CYP24A1: variants seen among roughly 807,000 people sequenced by gnomAD.
CYP24A1 encodes cytochrome P450 family 24 subfamily A member 1.
Under a neutral mutation model 62.4 loss-of-function variants are expected in CYP24A1, and 68 were observed. The ratio of observed to expected loss-of-function variants is 1.09; its 90% CI spans 0.90 to 1.33. The LOEUF (loss-of-function observed/expected upper bound fraction) is 1.33. CYP24A1 is among the 40% of genes most tolerant of loss of function. CYP24A1 has a pLI of 0.00. For missense variants in CYP24A1, 787 were observed against 653.0 expected (o/e 1.21, Z -2.24); for synonymous variants, 267 against 253.0 (o/e 1.06, Z -0.52).
In CYP24A1 at chr20:54,158,072, C is replaced by G. The variant is rs1338160216; in HGVS notation, c.1236+14G>C. On this transcript the variant is annotated intron_variant, in intron 9 of 11. Coordinates refer to ENST00000216862, the MANE Select transcript of CYP24A1 (RefSeq NM_000782.5). ...AAGGTTTTGTAAGGTATAGAATATA[C>G]AAATTCTACTTACTCCTTTGGGTAA... The G allele has an allele frequency of 6.2e-7, 1 of 1,613,010 alleles. No homozygotes were observed. The highest frequency in any genetic ancestry group is 1.3e-5 in the African/African-American group (1 of 74,938).
chr20:54,162,739 A>G lies in CYP24A1; in HGVS notation c.968T>C (p.Leu323Pro). Reference protein sequence around the residue: ...KKELYAAVTELQLAAVETTAN... With the variant: ...KKELYAAVTEPQLAAVETTAN... ...TACCGTTTCCACCGCAGCCAGCTGG[A>G]GCTCTGTGACAGCAGCATACAATTC... The change falls in exon 7 of 12, where the codon CTC becomes CCC. Residue 323 changes from leucine to proline, a missense_variant. Coordinates refer to ENST00000216862, the MANE Select transcript of CYP24A1 (RefSeq NM_000782.5). 6.2e-7 allele frequency: 1 copy of G among 1,603,388 alleles called. No homozygotes were observed. The highest frequency in any genetic ancestry group is 8.5e-7 in the Non-Finnish European group (1 of 1,170,550).
In CYP24A1 at chr20:54,158,309, T is replaced by A; in HGVS notation, c.1158-145A>T. The A allele has an allele frequency of 2.0e-6, 3 of 1,491,166 alleles. No individual in the cohort carries two copies. The South Asian group carries it at 3.8e-5, about 19-fold the overall frequency. The allele number at this position is 1,491,166 out of a possible 1,614,324, so 92.4% of individuals were successfully genotyped here. A position where few individuals can be genotyped will look rare whatever the true frequency, so the allele number is the denominator to read the frequency against. On this transcript the variant is annotated intron_variant, in intron 8 of 11. Coordinates refer to ENST00000216862, the MANE Select transcript of CYP24A1 (RefSeq NM_000782.5). ...ATGATCACAGATCTTCCTAAAGAAG[T>A]TGTTTTTTTCTTCTCAATAATTGTA... is the stretch of plus-strand genomic sequence containing the variant.
At chr20:54,160,202 G>A (rs1019195089) in intron 7 of CYP24A1, among the ~76,000 whole-genome samples, 3 of 152,178 alleles carry the variant, frequency 2.0e-5, no homozygotes, top group African/African-American at 7.2e-5. Flanking sequence ...ACATTGAGCT[G>A]AGTACTCCAG....
chr20:54,166,265 A>G (rs2092671566), intron 4 of CYP24A1, among the ~76,000 whole-genome samples: 1 of 152,206 alleles, frequency 6.6e-6, no homozygotes, highest in South Asian at 2.1e-4. Flanking sequence ...ATTATGTTCT[A>G]AACACCCATT....
chr20:54,156,864 C>A (rs1429952396), intron 11 of CYP24A1, among the ~76,000 whole-genome samples: 3 of 152,158 alleles, frequency 2.0e-5, no homozygotes, highest in African/African-American at 4.8e-5. Flanking sequence ...AGTTTGCCAA[C>A]CCTTACTATT....
Position 54,158,153 on chromosome 20 carries a change from C to CT in CYP24A1, c.1168dup (p.Ser390LysfsTer10). On this transcript the variant is annotated frameshift_variant, in exon 9 of 12. Transcript: ENST00000216862. LOFTEE classifies it high-confidence loss of function. Reference sequence around the variant, plus strand: ...AAGAGTCCGAGTTGTAAATGGTACACTCGGCGTAAGCCTGAAAAGATAAAA... The same window carrying CT: ...AAGAGTCCGAGTTGTAAATGGTACACTTCGGCGTAAGCCTGAAAAGATAAAA... 1 of 1,614,012 alleles carries CT rather than the reference C, an allele frequency of 6.2e-7. No individual in the cohort carries two copies. Among genetic ancestry groups the CT allele is most frequent in the Admixed American group, 1.7e-5 (1 of 60,038 alleles).
chr20:54,155,913 T>TA (rs11086451), intron 11 of CYP24A1, among the ~76,000 whole-genome samples: 48,776 of 151,954 alleles, frequency 0.32, 9,505 homozygotes, highest in East Asian at 0.61. Flanking sequence ...TGGCTTATGT[T>TA]ATTTAAAGGA....
rs2092619128 is a variant in CYP24A1 at position 54,154,311 on chromosome 20, G to A, written c.*461C>T. ...CCAATAATGTTTTTATTTCAATGCA[G>A]GAAGAACGCAATTTCATGGGAGGCC... On this transcript the variant is annotated 3_prime_UTR_variant, in exon 12 of 12. Transcript: ENST00000216862. 1 of 152,156 alleles carries A rather than the reference G, an allele frequency of 6.6e-6. No homozygotes were observed. The highest frequency in any genetic ancestry group is 6.5e-5 in the Admixed American group (1 of 15,278). 9.4% of individuals were successfully genotyped at this position (152,156 alleles called of 1,614,324 possible). A position where few individuals can be genotyped will look rare whatever the true frequency, so the allele number is the denominator to read the frequency against.
At chr20:54,146,812 C>T in the CYP24A1 span, among the ~76,000 whole-genome samples, 1 of 152,166 alleles carries the variant, frequency 6.6e-6, no homozygotes, top group Non-Finnish European at 1.5e-5. Flanking sequence ...TTGAGAAGCT[C>T]AGGTGCAAGG....
At chr20:54,148,187 C>CTTTT in the CYP24A1 span, among the ~76,000 whole-genome samples, 1 of 147,964 alleles carries the variant, frequency 6.8e-6, no homozygotes, top group East Asian at 2.0e-4. Context: ...CTTTTCTTTT[C>CTTTT]TTTTTTTTTT....
At chr20:54,171,828 T>C in intron 2 of CYP24A1, 158 bp from the exon 3 acceptor site, 2 of 1,487,360 alleles carry the variant, frequency 1.3e-6, no homozygotes, top group Non-Finnish European at 1.8e-6. Flanking sequence ...ATATTTGGGA[T>C]AAAATAGTGA....
Position 54,173,143 on chromosome 20 carries a change from G to A in CYP24A1, c.259-44C>T, listed in dbSNP as rs1440754754. The A allele has an allele frequency of 6.3e-7, 1 of 1,594,480 alleles. No individual in the cohort carries two copies. Among genetic ancestry groups the A allele is most frequent in the South Asian group, 1.1e-5 (1 of 90,848 alleles). On this transcript the variant is annotated intron_variant, in intron 1 of 11. Coordinates refer to ENST00000216862, the MANE Select transcript of CYP24A1 (RefSeq NM_000782.5). This position sits in a 1 kb window ranked among gnomAD's most constrained non-coding sequence, Gnocchi z 7.2. ...AGCGCGGTGTCAGCGCGCATCCTCC[G>A]CCGTGCCCGAAGCGCTTTCCCTCCT...
At chr20:54,170,953 TAATACAAA>T (rs544752459) in intron 3 of CYP24A1, among the ~76,000 whole-genome samples, 53 of 152,350 alleles carry the variant, frequency 3.5e-4, no homozygotes, top group African/African-American at 1.2e-3. Context: ...TACCTTAGTA[TAATACAAA>T]AATATTGTTA....
In CYP24A1 at chr20:54,172,746, A is replaced by C; in HGVS notation, c.449+163T>G. ...TCCGTGGACCGACTCTAATCTGTAC[A>C]AGAGCTCAGGGTTGCGATGGCACGG... On this transcript the variant is annotated intron_variant, in intron 2 of 11. Transcript: ENST00000216862. The C allele has an allele frequency of 4.1e-6, 6 of 1,481,068 alleles. No individual in the cohort carries two copies. The South Asian group carries it at 6.5e-5, about 16-fold the overall frequency. The allele number at this position is 1,481,068 out of a possible 1,614,324, so 91.7% of individuals were successfully genotyped here.
downstream of CYP24A1, among the ~76,000 whole-genome samples, chr20:54,150,294 A>G (rs572819817): frequency 6.6e-6 from 1 of 152,288 alleles, no homozygotes; most frequent in South Asian, 2.1e-4. Context: ...TGAGTTCCAT[A>G]CCCCTTAAAC....
At chr20:54,171,217 G>C (rs1023862352) in intron 3 of CYP24A1, among the ~76,000 whole-genome samples, 33 of 152,310 alleles carry the variant, frequency 2.2e-4, no homozygotes, top group African/African-American at 7.5e-4. Flanking sequence ...GGTGGGAACT[G>C]TTACTCCCAT....
chr20:54,168,893 T>TCC, intron 4 of CYP24A1, among the ~76,000 whole-genome samples: 2 of 138,356 alleles, frequency 1.4e-5, no homozygotes, highest in African/African-American at 2.7e-5. Flanking sequence ...CTTCCTTCCT[T>TCC]TCTCTGTCTC....
At chr20:54,162,674 A>G in intron 7 of CYP24A1, 43 bp downstream of exon 7, 1 of 1,299,542 alleles carries the variant, frequency 7.7e-7, no homozygotes, top group Non-Finnish European at 1.1e-6. Context: ...TAAAAATGGT[A>G]CAGACCGTTC....
At position 54,169,603 on chromosome 20, in the gene CYP24A1, C is replaced by G. The variant is rs2146502395; in HGVS notation, c.629G>C (p.Trp210Ser). 6.2e-7 allele frequency: 1 copy of G among 1,614,132 alleles called. No individual in the cohort carries two copies. The highest frequency in any genetic ancestry group is 8.5e-7 in the Non-Finnish European group (1 of 1,180,008). The change falls in exon 4 of 12, where the codon TGG becomes TCG. Residue 210 changes from tryptophan to serine, a missense_variant. Transcript: ENST00000216862. ...VEDLYSELNK[W>S]SFESICLVLY... ...TGACGACAACTTACTTTCAAACGACCATTTGTTCAGTTCGCTGTACAAGTC... is the reference window on the plus strand; with the variant it reads ...TGACGACAACTTACTTTCAAACGACGATTTGTTCAGTTCGCTGTACAAGTC...
Sources: allele counts gnomAD v4.1 joint callset (sites outside exome capture counted in the v4.1 genomes callset), GRCh38; gene constraint gnomAD v4.1.1; non-coding constraint Gnocchi (gnomAD v3.1); transcripts MANE v1.5; gene names NCBI Gene and HGNC (gene_info 2026-07-23, HGNC 2026-07-21).